TBL1XR1: variants seen among roughly 807,000 people sequenced by gnomAD.
TBL1XR1 encodes the protein TBL1X/Y related 1.
In TBL1XR1, 5 loss-of-function variants were observed where a neutral mutation model predicts 66.9. The observed-to-expected ratio is 0.07, with a 90% confidence interval of 0.04 to 0.16. TBL1XR1 has a LOEUF of 0.16. Among genes scored for constraint, TBL1XR1 ranks in the 10% least tolerant of loss-of-function variants. The probability of loss-of-function intolerance (pLI) is 1.00; values close to 1 mark genes in which losing one functional copy is unlikely to be tolerated. For synonymous variants in TBL1XR1, 210 were observed against 206.0 expected (o/e 1.02, Z -0.17); for missense variants, 238 against 623.2 (o/e 0.38, Z 6.58).
intron 1 of TBL1XR1, among the ~76,000 whole-genome samples, chr3:177,136,407 T>TC (rs1729003662): frequency 6.6e-6 from 1 of 151,940 alleles, no homozygotes; most frequent in Non-Finnish European, 1.5e-5. Flanking sequence ...CCAAGTAGCC[T>TC]CCAAGTGGCA....
rs563101840 is a variant in TBL1XR1 at position 177,089,206 on chromosome 3, T to C, written c.-46+9260A>G. ...CTAATTACACTGAGAAATGTACCTGTCAGTAGACCAGAATATTCATCAATG... is the reference window on the plus strand; with the variant it reads ...CTAATTACACTGAGAAATGTACCTGCCAGTAGACCAGAATATTCATCAATG... On this transcript the variant is annotated intron_variant, in intron 2 of 15. Transcript: ENST00000457928. 3.6e-3 allele frequency among the ~76,000 whole-genome samples: 555 copies of C among 152,286 alleles called. 3 individuals carry two copies. Among genetic ancestry groups the C allele is most frequent in the African/African-American group, 0.013 (528 of 41,568 alleles).
chr3:177,053,294 A>T (rs1241179266), intron 4 of TBL1XR1, among the ~76,000 whole-genome samples: 1 of 152,184 alleles, frequency 6.6e-6, no homozygotes, highest in African/African-American at 2.4e-5. Flanking sequence ...TGTTCCAATC[A>T]AACTTTATTG....
chr3:177,043,690 T>C (rs1477805697), intron 10 of TBL1XR1, among the ~76,000 whole-genome samples: 2 of 152,210 alleles, frequency 1.3e-5, no homozygotes, highest in Non-Finnish European at 2.9e-5. Flanking sequence ...CATTTACACT[T>C]ATTTTGCTTT....
At chr3:177,139,324 C>G (rs1406938566) in intron 1 of TBL1XR1, among the ~76,000 whole-genome samples, 1 of 152,154 alleles carries the variant, frequency 6.6e-6, no homozygotes, top group Non-Finnish European at 1.5e-5. Flanking sequence ...AAGTTCGAGA[C>G]CAGCCTGGCC....
chr3:177,160,519 CA>C (rs1732062643), intron 1 of TBL1XR1, among the ~76,000 whole-genome samples: 2 of 150,674 alleles, frequency 1.3e-5, no homozygotes, highest in Admixed American at 6.6e-5. Flanking sequence ...AAAGAAGAAT[CA>C]AATAATGTCC....
At chr3:177,046,473 T>A (rs1402447549) in intron 9 of TBL1XR1, among the ~76,000 whole-genome samples, 1 of 152,124 alleles carries the variant, frequency 6.6e-6, no homozygotes, top group Non-Finnish European at 1.5e-5. Flanking sequence ...CTTAAAAAAC[T>A]CCATTGTAAT....
chr3:177,182,252 G>T, intron 1 of TBL1XR1, among the ~76,000 whole-genome samples: 1 of 152,034 alleles, frequency 6.6e-6, no homozygotes, highest in East Asian at 1.9e-4. Context: ...AGCCGGGAAT[G>T]GTGGCGTAGT....
intron 2 of TBL1XR1, among the ~76,000 whole-genome samples, chr3:177,071,985 T>TC (rs370549934): frequency 1.4e-4 from 21 of 152,246 alleles, no homozygotes; most frequent in African/African-American, 4.8e-4. Context: ...GAGAAGTACA[T>TC]CACTCCATAA....
At chr3:177,053,610 C>T (rs2108503239) in intron 4 of TBL1XR1, among the ~76,000 whole-genome samples, 163 bp downstream of exon 4, 1 of 152,304 alleles carries the variant, frequency 6.6e-6, no homozygotes. Context: ...TAGGCGCCAA[C>T]ACCTTGCCGG....
intron 1 of TBL1XR1, among the ~76,000 whole-genome samples, chr3:177,189,413 GA>G (rs1735837827): frequency 6.6e-6 from 1 of 151,912 alleles, no homozygotes; most frequent in Non-Finnish European, 1.5e-5. Flanking sequence ...AGCAATTTGG[GA>G]GGCCAAGGTG....
chr3:177,143,355 T>C (rs936080246), intron 1 of TBL1XR1, among the ~76,000 whole-genome samples: 3 of 150,846 alleles, frequency 2.0e-5, no homozygotes, highest in Non-Finnish European at 3.0e-5. Flanking sequence ...CTACAGTGAA[T>C]GACAAAAATC....
chr3:177,089,037 T>C (rs1439011939), intron 2 of TBL1XR1, among the ~76,000 whole-genome samples: 1 of 152,206 alleles, frequency 6.6e-6, no homozygotes, highest in Non-Finnish European at 1.5e-5. Flanking sequence ...CAGCGACCTG[T>C]TGGCAGGGTC....
intron 1 of TBL1XR1, among the ~76,000 whole-genome samples, chr3:177,190,205 CAT>C (rs1395083060): frequency 1.4e-5 from 2 of 147,708 alleles, no homozygotes; most frequent in African/African-American, 5.1e-5. Context: ...CTACCTGACA[CAT>C]ATATAACCAG....
At chr3:177,115,965 G>T (rs953360131) in intron 1 of TBL1XR1, among the ~76,000 whole-genome samples, 11 of 152,130 alleles carry the variant, frequency 7.2e-5, no homozygotes, top group Non-Finnish European at 1.2e-4. Context: ...GAAGGAATGA[G>T]GAGGCCAGGG....
intron 14 of TBL1XR1, chr3:177,032,267 G>C (rs1560097806): frequency 6.6e-6 from 1 of 152,182 alleles, no homozygotes; most frequent in Non-Finnish European, 1.5e-5. Flanking sequence ...CTGTATGCAT[G>C]TATGAAGTAA....
At chr3:177,097,665 A>G (rs187781290) in intron 2 of TBL1XR1, among the ~76,000 whole-genome samples, 67 of 152,358 alleles carry the variant, frequency 4.4e-4, no homozygotes, top group African/African-American at 1.6e-3. Flanking sequence ...ATTAATTATA[A>G]CAGGTAGAAT....
chr3:177,122,620 T>C (rs1727110738), intron 1 of TBL1XR1, among the ~76,000 whole-genome samples: 1 of 152,104 alleles, frequency 6.6e-6, no homozygotes, highest in Non-Finnish European at 1.5e-5. Context: ...CATAATGTTA[T>C]TAAAGTCGAG....
intron 7 of TBL1XR1, among the ~76,000 whole-genome samples, chr3:177,048,242 G>A (rs1716584025): frequency 6.6e-6 from 1 of 152,158 alleles, no homozygotes; most frequent in Admixed American, 6.5e-5. Context: ...TTCCCTTGCT[G>A]TGCACCTTGC....
rs114828416 is a variant in TBL1XR1 at position 177,190,879 on chromosome 3, T to C, written c.-122+6242A>G. 9.6e-3 allele frequency among the ~76,000 whole-genome samples: 1,459 copies of C among 152,256 alleles called. 18 individuals carry two copies. The highest frequency in any genetic ancestry group is 0.01 in the Admixed American group (157 of 15,274). On this transcript the variant is annotated intron_variant, in intron 1 of 15. Transcript: ENST00000457928. ...TGCTGGAAGGAAAAAGGTCCATCCG[T>C]TCAAGAAACATCGTAGTTGGGGCAA...
Sources: gnomAD v4.1 joint callset for allele counts (sites outside exome capture counted in the v4.1 genomes callset) on GRCh38, gnomAD v4.1.1 for gene constraint, MANE v1.5 for transcripts, NCBI Gene and HGNC (gene_info 2026-07-23, HGNC 2026-07-21) for gene names.